Variants in EPHA5 observed in about 807,000 individuals in gnomAD.
The protein encoded by EPHA5 is EPH receptor A5.
A neutral mutation model predicts 105.0 loss-of-function variants in EPHA5; 60 were observed. The ratio of observed to expected loss-of-function variants is 0.57; its 90% CI spans 0.46 to 0.71. EPHA5 has a LOEUF of 0.71. Among genes scored for constraint, EPHA5 ranks in the 30% least tolerant of loss-of-function variants. EPHA5 has a pLI of 0.00. For missense variants in EPHA5, 1,218 were observed against 1,274.7 expected (o/e 0.96, Z 0.68); for synonymous variants, 513 against 449.1 (o/e 1.14, Z -1.80).
intron 3 of EPHA5, among the ~76,000 whole-genome samples, chr4:65,581,897 G>A (rs568818812): frequency 2.0e-5 from 3 of 151,682 alleles, no homozygotes; most frequent in Non-Finnish European, 4.4e-5. Flanking sequence ...TGAAATTCTG[G>A]TAAAGTAATT....
At chr4:65,556,993 T>C (rs1409073939) in intron 3 of EPHA5, among the ~76,000 whole-genome samples, 1 of 151,966 alleles carries the variant, frequency 6.6e-6, no homozygotes, top group Non-Finnish European at 1.5e-5. Flanking sequence ...TATAAAATTC[T>C]GTTTGTCCTT....
intron 8 of EPHA5, among the ~76,000 whole-genome samples, chr4:65,392,273 C>T (rs577876147): frequency 6.6e-6 from 1 of 152,216 alleles, no homozygotes. Context: ...AATCAATACA[C>T]GTCTGGATTT....
chr4:65,506,214 G>C (rs1040426436), intron 3 of EPHA5, among the ~76,000 whole-genome samples: 1 of 152,064 alleles, frequency 6.6e-6, no homozygotes, highest in South Asian at 2.1e-4. Context: ...ATTCCATGGT[G>C]TATATGTGCC....
intron 5 of EPHA5, among the ~76,000 whole-genome samples, chr4:65,446,698 T>C (rs1726568000): frequency 6.6e-6 from 1 of 152,102 alleles, no homozygotes; most frequent in East Asian, 1.9e-4. Flanking sequence ...ATGGGGTGCA[T>C]GTATGGACAT....
At chr4:65,518,874 T>C (rs571369262) in intron 3 of EPHA5, among the ~76,000 whole-genome samples, 7 of 152,238 alleles carry the variant, frequency 4.6e-5, no homozygotes, top group Admixed American at 4.6e-4. Context: ...ACAGCAGAAT[T>C]CTACCAGAGG....
intron 3 of EPHA5, among the ~76,000 whole-genome samples, chr4:65,535,039 A>G (rs1263121583): frequency 6.6e-6 from 1 of 152,180 alleles, no homozygotes; most frequent in Admixed American, 6.6e-5. Flanking sequence ...TTTTCAGTGC[A>G]AATAAATAGC....
At chr4:65,576,088 G>GAAAAGAAAAGAAAAGAAAAGAAA (rs1740976042) in intron 3 of EPHA5, among the ~76,000 whole-genome samples, 2 of 61,482 alleles carry the variant, frequency 3.3e-5, no homozygotes, top group Admixed American at 2.2e-4. Context: ...GAAAAGAAAA[G>GAAAAGAAAAGAAAAGAAAAGAAA]AAAAGAAAAG....
At chr4:65,342,260 C>A (rs1721802887) in intron 14 of EPHA5, among the ~76,000 whole-genome samples, 2 of 151,954 alleles carry the variant, frequency 1.3e-5, no homozygotes, top group African/African-American at 4.8e-5. Flanking sequence ...TAAGAATTTT[C>A]ATGAGGCTAC....
intron 11 of EPHA5, among the ~76,000 whole-genome samples, chr4:65,356,641 A>G (rs536167605): frequency 6.6e-6 from 1 of 151,568 alleles, no homozygotes; most frequent in Non-Finnish European, 1.5e-5. Context: ...GACCTAAAAC[A>G]CCTCTCATAT....
intron 2 of EPHA5, 130 bp from the exon 3 acceptor site, chr4:65,602,434 C>G (rs755657119): frequency 1.5e-6 from 1 of 653,206 alleles, no homozygotes; most frequent in Admixed American, 3.4e-5. Context: ...GTGATATTTA[C>G]AGAAGGAACT....
chr4:65,378,989 A>T (rs1719291351), intron 8 of EPHA5, among the ~76,000 whole-genome samples: 1 of 151,910 alleles, frequency 6.6e-6, no homozygotes, highest in Non-Finnish European at 1.5e-5. Flanking sequence ...GGTTGTTAAC[A>T]AATGTATCCA....
chr4:65,586,157 A>T (rs567611457), intron 3 of EPHA5, among the ~76,000 whole-genome samples: 3 of 151,828 alleles, frequency 2.0e-5, no homozygotes, highest in Admixed American at 1.3e-4. Flanking sequence ...TATTAACTTG[A>T]TATCAAATGC....
At chr4:65,477,735 G>A (rs1729968062) in intron 5 of EPHA5, among the ~76,000 whole-genome samples, 1 of 152,060 alleles carries the variant, frequency 6.6e-6, no homozygotes, top group Non-Finnish European at 1.5e-5. Flanking sequence ...TTAAACTTCA[G>A]TTCCTTCATC....
At chr4:65,575,854 G>C (rs1192666360) in intron 3 of EPHA5, among the ~76,000 whole-genome samples, 1 of 151,354 alleles carries the variant, frequency 6.6e-6, no homozygotes, top group Non-Finnish European at 1.5e-5. Flanking sequence ...ATGGGCGCCT[G>C]TAATCCCAGC....
chr4:65,458,073 CAAAAAAAAAA>C (rs10565968), intron 5 of EPHA5, among the ~76,000 whole-genome samples: 3 of 72,578 alleles, frequency 4.1e-5, no homozygotes, highest in African/African-American at 1.7e-4. Flanking sequence ...CACTCCATCC[CAAAAAAAAAA>C]AAAAAAAAAA....
At chr4:65,331,321 C>G (rs1292283991) in intron 16 of EPHA5, 1 of 1,035,060 alleles carries the variant, frequency 9.7e-7, no homozygotes, top group East Asian at 5.9e-5. Flanking sequence ...CCTTAAAGAA[C>G]TTAATATTTA....
intron 4 of EPHA5, among the ~76,000 whole-genome samples, chr4:65,493,632 C>A (rs185000472): frequency 6.6e-6 from 1 of 151,980 alleles, no homozygotes; most frequent in East Asian, 1.9e-4. Flanking sequence ...GAAATGCATA[C>A]AAATTAGTGC....
chr4:65,403,148 C>A (rs573284113), intron 8 of EPHA5, among the ~76,000 whole-genome samples: 1 of 152,192 alleles, frequency 6.6e-6, no homozygotes, highest in East Asian at 1.9e-4. Flanking sequence ...ATAGAATTTT[C>A]ATATACAATG....
At chr4:65,409,843 A>C (rs779831015) in intron 7 of EPHA5, among the ~76,000 whole-genome samples, 5 of 152,214 alleles carry the variant, frequency 3.3e-5, no homozygotes, top group Admixed American at 1.3e-4. Flanking sequence ...GATTTTCAAA[A>C]TAATGAGATA....
Sources: gnomAD v4.1 joint callset for allele counts (sites outside exome capture counted in the v4.1 genomes callset) on GRCh38, gnomAD v4.1.1 for gene constraint, MANE v1.5 for transcripts, NCBI Gene and HGNC (gene_info 2026-07-23, HGNC 2026-07-21) for gene names.